Variants in ELOVL2 observed in about 807,000 individuals in gnomAD.
ELOVL2 encodes very long chain fatty acid elongase 2.
In ELOVL2, 38 loss-of-function variants were observed where a neutral mutation model predicts 37.7. The observed-to-expected ratio is 1.01, with a 90% CI of 0.78 to 1.32. The LOEUF (loss-of-function observed/expected upper bound fraction) is 1.32. ELOVL2 is among the 40% of genes most tolerant of loss of function. The pLI is 0.00. For missense variants in ELOVL2, 352 were observed against 363.6 expected, an observed-to-expected ratio of 0.97 and a Z score of 0.26; for synonymous variants, 115 against 122.3, an observed-to-expected ratio of 0.94 and a Z score of 0.40.
rs567485114 is a variant in ELOVL2, at chr6:11,037,622, T to C, written c.3+6606A>G. On this transcript the variant is annotated intron_variant, in intron 1 of 7. Coordinates refer to ENST00000354666, the MANE Select transcript of ELOVL2 (RefSeq NM_017770.4). ...AGCACTGTACCAGCCACATGCTCAG[T>C]ACTGCTCATTTATAGGCAGTGAGCC... 2.6e-5 allele frequency among the ~76,000 whole-genome samples: 4 copies of C among 152,174 alleles called. No homozygotes were observed. In the East Asian group the frequency reaches 7.7e-4, roughly 29 times the overall value.
At chr6:10,997,887 C>T (rs964643580) in intron 4 of ELOVL2, among the ~76,000 whole-genome samples, 5 of 152,118 alleles carry the variant, frequency 3.3e-5, no homozygotes, top group African/African-American at 1.2e-4. Context: ...CAGGTGATTG[C>T]TGTCAGATCC....
chr6:11,008,286 T>C (rs1252828772), intron 2 of ELOVL2, among the ~76,000 whole-genome samples: 1 of 152,188 alleles, frequency 6.6e-6, no homozygotes, highest in Non-Finnish European at 1.5e-5. Flanking sequence ...AAATGACCAA[T>C]GCAGAGTAAA....
intron 7 of ELOVL2, among the ~76,000 whole-genome samples, chr6:10,986,231 A>C (rs912339819): frequency 1.7e-4 from 26 of 152,218 alleles, no homozygotes; most frequent in Admixed American, 9.2e-4. Context: ...GTTGCTTATC[A>C]GCTTAAGGAG....
intron 7 of ELOVL2, among the ~76,000 whole-genome samples, chr6:10,988,348 T>G (rs1263629566): frequency 6.6e-6 from 1 of 152,234 alleles, no homozygotes; most frequent in African/African-American, 2.4e-5. Flanking sequence ...GCGGATCACC[T>G]GAGGTCAGGA....
chr6:10,988,094 G>A (rs1431985764), intron 7 of ELOVL2, among the ~76,000 whole-genome samples: 1 of 152,226 alleles, frequency 6.6e-6, no homozygotes, highest in Non-Finnish European at 1.5e-5. Flanking sequence ...CGTTTATTGG[G>A]AAGTTGGGGG....
At chr6:11,034,446 G>T (rs1782979057) in intron 1 of ELOVL2, among the ~76,000 whole-genome samples, 2 of 125,914 alleles carry the variant, frequency 1.6e-5, no homozygotes. Context: ...ACTTTGGGAG[G>T]CCGAGGTGGG....
intron 1 of ELOVL2, among the ~76,000 whole-genome samples, chr6:11,025,558 T>C (rs1023894497): frequency 6.6e-6 from 1 of 152,214 alleles, no homozygotes; most frequent in Non-Finnish European, 1.5e-5. Flanking sequence ...TAACTTCTAG[T>C]AGTTTTAAAA....
intron 1 of ELOVL2, among the ~76,000 whole-genome samples, chr6:11,012,340 G>A (rs183781540): frequency 5.8e-4 from 88 of 152,206 alleles, no homozygotes; most frequent in South Asian, 3.7e-3. Flanking sequence ...AGGGCATCTC[G>A]GGAGGCCCCC....
chr6:11,035,027 A>AT (rs1356909012), intron 1 of ELOVL2, among the ~76,000 whole-genome samples: 3 of 152,144 alleles, frequency 2.0e-5, no homozygotes, highest in Non-Finnish European at 2.9e-5. Flanking sequence ...AAATAAATAA[A>AT]ATAATAATTA....
chr6:11,032,885 G>T (rs6456805), intron 1 of ELOVL2, among the ~76,000 whole-genome samples: 2 of 152,046 alleles, frequency 1.3e-5, no homozygotes, highest in Non-Finnish European at 2.9e-5. Context: ...CTAACATATG[G>T]TATTCTAACT....
chr6:11,025,504 A>G (rs1446492932), intron 1 of ELOVL2, among the ~76,000 whole-genome samples: 1 of 152,022 alleles, frequency 6.6e-6, no homozygotes, highest in Non-Finnish European at 1.5e-5. Context: ...TCATTCAACA[A>G]TTTTTTTGTT....
At chr6:11,002,958 A>G (rs1406019746) in intron 3 of ELOVL2, among the ~76,000 whole-genome samples, 1 of 152,194 alleles carries the variant, frequency 6.6e-6, no homozygotes, top group African/African-American at 2.4e-5. Flanking sequence ...TCTCTGCCTT[A>G]TAGATAAGTT....
intron 1 of ELOVL2, among the ~76,000 whole-genome samples, chr6:11,024,547 C>T (rs1313449522): frequency 6.6e-6 from 1 of 152,116 alleles, no homozygotes; most frequent in African/African-American, 2.4e-5. Flanking sequence ...TGAATAAAAT[C>T]ATCTCCAAGG....
At chr6:11,033,825 T>C (rs1581882190) in intron 1 of ELOVL2, among the ~76,000 whole-genome samples, 1 of 152,196 alleles carries the variant, frequency 6.6e-6, no homozygotes, top group African/African-American at 2.4e-5. Flanking sequence ...TGAGAATTTT[T>C]AAAAATGTAA....
rs567977334 is a variant in ELOVL2, at chr6:10,994,893, G to A, written c.505+114C>T. The A allele has an allele frequency of 9.0e-5, 74 of 819,962 alleles. No individual in the cohort carries two copies. The East Asian group carries it at 1.8e-3, about 20-fold the overall frequency. 50.8% of individuals were successfully genotyped at this position (819,962 alleles called of 1,614,324 possible). A position where few individuals can be genotyped will look rare whatever the true frequency, so the allele number is the denominator to read the frequency against. On this transcript the variant is annotated intron_variant, in intron 5 of 7. Coordinates refer to ENST00000354666, the MANE Select transcript of ELOVL2 (RefSeq NM_017770.4). ...GGCATCCTGCTGCGGCAAGGCCGGC[G>A]CTCTAGGCCTCCCTTCATGCTCTCC...
rs745890164 is a variant in ELOVL2 at position 10,983,757 on chromosome 6, A to G, written c.*24T>C. The G allele has an allele frequency of 2.5e-6, 4 of 1,592,816 alleles. No homozygotes were observed. Among genetic ancestry groups the G allele is most frequent in the Non-Finnish European group, 3.4e-6 (4 of 1,171,450 alleles). ...ACAAGCCAATCTGTTAGGCTAGTAT[A>G]TGTGCTTTTTCTGTTACTCATTTTT... On this transcript the variant is annotated 3_prime_UTR_variant, in exon 8 of 8. Coordinates refer to ENST00000354666, the MANE Select transcript of ELOVL2 (RefSeq NM_017770.4).
chr6:10,982,795 A>C lies in ELOVL2; in HGVS notation c.*986T>G, dbSNP rs926259110. 1.1e-4 allele frequency: 17 copies of C among 152,322 alleles called. No individual in the cohort carries two copies. Among genetic ancestry groups the C allele is most frequent in the Admixed American group, 9.2e-4 (14 of 15,296 alleles). The allele number at this position is 152,322 out of a possible 1,614,324, so 9.4% of individuals were successfully genotyped here. A position where few individuals can be genotyped will look rare whatever the true frequency, so the allele number is the denominator to read the frequency against. ...TGTGAAGAGTGACAACAGGTATCTG[A>C]GGTAATATTCACAAGTAGGCTCACA... On this transcript the variant is annotated 3_prime_UTR_variant, in exon 8 of 8. Coordinates refer to ENST00000354666, the MANE Select transcript of ELOVL2 (RefSeq NM_017770.4).
intron 1 of ELOVL2, among the ~76,000 whole-genome samples, chr6:11,025,775 T>C (rs887032314): frequency 6.6e-5 from 10 of 152,190 alleles, no homozygotes; most frequent in Admixed American, 5.2e-4. Context: ...ATTTTCATGG[T>C]TTTATGACTT....
chr6:10,992,786 C>CAA (rs780478493), intron 5 of ELOVL2, among the ~76,000 whole-genome samples: 3 of 90,658 alleles, frequency 3.3e-5, no homozygotes, highest in South Asian at 4.4e-4. Context: ...GACTCCATCT[C>CAA]AAAAAAAACA....
Sources: gnomAD v4.1 joint callset for allele counts (sites outside exome capture counted in the v4.1 genomes callset) on GRCh38, gnomAD v4.1.1 for gene constraint, MANE v1.5 for transcripts, NCBI Gene and HGNC (gene_info 2026-07-23, HGNC 2026-07-21) for gene names.